FERMT2: variants seen among roughly 807,000 people sequenced by gnomAD.
FERMT2 encodes the protein FERM domain containing kindlin 2.
Under a neutral mutation model 82.7 loss-of-function variants are expected in FERMT2, and 15 were observed. The observed-to-expected ratio is 0.18, with a 90% confidence interval of 0.12 to 0.28. FERMT2 has a LOEUF of 0.28. FERMT2 is among the 10% of genes least tolerant of loss of function. The pLI is 1.00. For missense variants in FERMT2, 645 were observed against 809.4 expected (o/e 0.80, Z 2.46); for synonymous variants, 274 against 271.5 (o/e 1.01, Z -0.09).
chr14:52,934,245 G>A (rs890897583), intron 2 of FERMT2, among the ~76,000 whole-genome samples: 12 of 152,020 alleles, frequency 7.9e-5, no homozygotes, highest in Non-Finnish European at 1.5e-4. Flanking sequence ...AAAAGTTCAT[G>A]TTAAAAACAT....
chr14:52,884,055 A>T (rs1886442908), intron 4 of FERMT2, among the ~76,000 whole-genome samples: 1 of 152,226 alleles, frequency 6.6e-6, no homozygotes. Context: ...GAATGAACAA[A>T]TACAATCACA....
chr14:52,901,898 G>A (rs976146401), intron 3 of FERMT2, among the ~76,000 whole-genome samples: 9 of 152,316 alleles, frequency 5.9e-5, no homozygotes, highest in African/African-American at 2.2e-4. Context: ...GTTTCAGGCT[G>A]CTAAATTTAT....
intron 3 of FERMT2, among the ~76,000 whole-genome samples, chr14:52,914,913 CTG>C (rs1888535236): frequency 6.6e-6 from 1 of 151,768 alleles, no homozygotes; most frequent in Non-Finnish European, 1.5e-5. Flanking sequence ...GAGGGAGACT[CTG>C]TCTCAAAATA....
chr14:52,895,196 A>G (rs777750389), intron 3 of FERMT2, among the ~76,000 whole-genome samples: 2 of 152,238 alleles, frequency 1.3e-5, no homozygotes, highest in African/African-American at 2.4e-5. Context: ...CCAGCATTAA[A>G]AAGACGTTAC....
intron 2 of FERMT2, among the ~76,000 whole-genome samples, chr14:52,924,133 T>C (rs1286706434): frequency 6.6e-6 from 1 of 152,210 alleles, no homozygotes; most frequent in African/African-American, 2.4e-5. Context: ...GGCACTGTTC[T>C]AGTGCTAGAG....
Position 52,877,574 on chromosome 14 carries a change from C to CTTTTTTTTTTTTTTT in FERMT2, c.963+993_963+1007dup, listed in dbSNP as rs34676786. Among the ~76,000 whole-genome samples, 80 of 67,064 alleles carry CTTTTTTTTTTTTTTT rather than the reference C, an allele frequency of 1.2e-3. 17 individuals carry two copies. Among genetic ancestry groups the CTTTTTTTTTTTTTTT allele is most frequent in the African/African-American group, 1.6e-3 (27 of 16,404 alleles). 44.0% of individuals were successfully genotyped at this position (67,064 alleles called of 152,430 possible). The stretch of plus-strand genomic sequence containing the variant: ...CTAAGGTGAAAATTAGCTGTTCTTG[C>CTTTTTTTTTTTTTTT]TTTTTTTTTTTTTTTTTTTTTTTTG... On this transcript the variant is annotated intron_variant, in intron 7 of 14. Transcript: ENST00000341590.
intron 2 of FERMT2, among the ~76,000 whole-genome samples, chr14:52,940,233 C>T (rs1369724673): frequency 6.6e-6 from 1 of 151,958 alleles, no homozygotes; most frequent in Non-Finnish European, 1.5e-5. Context: ...ATCTAAATGA[C>T]AGATAATTAA....
In FERMT2 at chr14:52,901,264, G is replaced by C. The variant is rs1887624763; in HGVS notation, c.392-7837C>G. On this transcript the variant is annotated intron_variant, in intron 3 of 14. Coordinates refer to ENST00000341590, the MANE Select transcript of FERMT2 (RefSeq NM_006832.3). ...CCACTGCACTCCAGCCTAGGCGACA[G>C]AGCGAGACTCTGTCTCAAAAAAAAA... is the stretch of plus-strand genomic sequence containing the variant. Among the ~76,000 whole-genome samples, 4 of 133,508 alleles carry C rather than the reference G, an allele frequency of 3.0e-5. 1 individual carries two copies. The highest frequency in any genetic ancestry group is 8.7e-5 in the African/African-American group (3 of 34,680). 87.6% of individuals were successfully genotyped at this position (133,508 alleles called of 152,430 possible).
At chr14:52,860,160 G>A in intron 13 of FERMT2, 181 bp downstream of exon 13, 1 of 561,448 alleles carries the variant, frequency 1.8e-6, no homozygotes, top group Non-Finnish European at 3.0e-6. Context: ...CAATTATCTT[G>A]AATTTTTAAT....
At chr14:52,923,177 C>A (rs895630158) in intron 2 of FERMT2, among the ~76,000 whole-genome samples, 1 of 150,806 alleles carries the variant, frequency 6.6e-6, no homozygotes, top group Non-Finnish European at 1.5e-5. Context: ...TTACATGGCT[C>A]CTGACTGTAT....
chr14:52,881,499 A>C, intron 4 of FERMT2, 30 bp from the exon 5 acceptor site: 1 of 1,439,464 alleles, frequency 6.9e-7, no homozygotes, highest in Non-Finnish European at 9.8e-7. Flanking sequence ...ACAGGTAGTA[A>C]GTATGCAGTA....
intron 3 of FERMT2, among the ~76,000 whole-genome samples, chr14:52,916,169 C>A (rs1159718203): frequency 6.6e-6 from 1 of 151,898 alleles, no homozygotes; most frequent in Non-Finnish European, 1.5e-5. Context: ...CATGATGAAA[C>A]CCCATCTATA....
intron 10 of FERMT2, chr14:52,872,077 C>G (rs967409275): frequency 6.6e-6 from 1 of 152,414 alleles, no homozygotes; most frequent in Non-Finnish European, 1.5e-5. Context: ...TGGGACCAGC[C>G]TGTCATCAGT....
intron 4 of FERMT2, among the ~76,000 whole-genome samples, chr14:52,884,266 T>C (rs1220905546): frequency 6.6e-6 from 1 of 152,320 alleles, no homozygotes; most frequent in East Asian, 1.9e-4. Context: ...GTTAAATAAC[T>C]TGTCCAAGGT....
chr14:52,863,087 C>A (rs1168942680), intron 12 of FERMT2: 2 of 151,982 alleles, frequency 1.3e-5, no homozygotes, highest in African/African-American at 4.8e-5. Context: ...GAAATTAGCA[C>A]TTGCTTTACT....
chr14:52,882,217 TAA>T (rs1050203584), intron 4 of FERMT2, among the ~76,000 whole-genome samples: 1 of 152,182 alleles, frequency 6.6e-6, no homozygotes, highest in Admixed American at 6.5e-5. Flanking sequence ...ATTTTACAAA[TAA>T]AGTTTTTTTT....
chr14:52,908,125 G>A (rs8019585), intron 3 of FERMT2, among the ~76,000 whole-genome samples: 24,058 of 152,036 alleles, frequency 0.16, 2,358 homozygotes, highest in African/African-American at 0.27. Flanking sequence ...AGGGTAATGC[G>A]AATTAAAGCC....
chr14:52,859,870 T>G (rs1039231073), intron 13 of FERMT2, 156 bp from the exon 14 acceptor site: 3 of 413,882 alleles, frequency 7.2e-6, no homozygotes, highest in Non-Finnish European at 1.3e-5. Flanking sequence ...CAGGCTGGAG[T>G]GCAGTGGCGC....
intron 3 of FERMT2, among the ~76,000 whole-genome samples, chr14:52,899,484 G>GT (rs1887498254): frequency 6.6e-6 from 1 of 152,072 alleles, no homozygotes; most frequent in African/African-American, 2.4e-5. Context: ...GGGTTTCACC[G>GT]TATTAGCCAG....
Sources: gnomAD v4.1 joint callset for allele counts (sites outside exome capture counted in the v4.1 genomes callset) on GRCh38, gnomAD v4.1.1 for gene constraint, MANE v1.5 for transcripts, NCBI Gene and HGNC (gene_info 2026-07-23, HGNC 2026-07-21) for gene names.